CTNND2: variants seen among roughly 807,000 people sequenced by gnomAD.
CTNND2 encodes catenin delta-2.
Under a neutral mutation model 144.4 loss-of-function variants are expected in CTNND2, and 22 were observed. That is an observed-to-expected ratio of 0.15 (90% CI 0.11 to 0.22). The LOEUF (loss-of-function observed/expected upper bound fraction) is 0.22, where lower values mean the gene tolerates loss of function less well. Among genes scored for constraint, CTNND2 ranks in the 10% least tolerant of loss-of-function variants. The pLI, the probability that CTNND2 is intolerant of heterozygous loss-of-function variation, is 1.00. For synonymous variants in CTNND2, 751 were observed against 695.6 expected (o/e 1.08, Z -1.25); for missense variants, 1,353 against 1,618.8 (o/e 0.84, Z 2.82).
chr5:11,779,339 C>T (rs1790420069), intron 1 of CTNND2, among the ~76,000 whole-genome samples: 2 of 152,212 alleles, frequency 1.3e-5, no homozygotes, highest in South Asian at 4.1e-4. Flanking sequence ...GTCTTTCACA[C>T]TTTATCCTCA....
chr5:11,746,275 C>A (rs1295932744), intron 1 of CTNND2, among the ~76,000 whole-genome samples: 1 of 152,158 alleles, frequency 6.6e-6, no homozygotes, highest in African/African-American at 2.4e-5. Context: ...TTTACCATCA[C>A]CAAGACTTTT....
intron 7 of CTNND2, among the ~76,000 whole-genome samples, chr5:11,379,784 G>T (rs1382698002): frequency 6.6e-6 from 1 of 151,956 alleles, no homozygotes; most frequent in Non-Finnish European, 1.5e-5. Flanking sequence ...TCCACACACT[G>T]CCCAGAACAA....
chr5:10,980,992 T>G (rs1275149028), intron 21 of CTNND2, among the ~76,000 whole-genome samples: 1 of 152,042 alleles, frequency 6.6e-6, no homozygotes, highest in Non-Finnish European at 1.5e-5. Flanking sequence ...TGTATACCTA[T>G]GTACCAAAAC....
intron 15 of CTNND2, among the ~76,000 whole-genome samples, chr5:11,086,703 AG>A (rs1750187620): frequency 1.3e-5 from 2 of 152,288 alleles, no homozygotes; most frequent in South Asian, 4.2e-4. Flanking sequence ...TAACCCTTTA[AG>A]GCCAGACTGT....
chr5:11,626,984 G>T (rs541036637), intron 2 of CTNND2, among the ~76,000 whole-genome samples: 1 of 152,056 alleles, frequency 6.6e-6, no homozygotes, highest in South Asian at 2.1e-4. Flanking sequence ...ATCTATTTTC[G>T]CCTGCCAGGT....
chr5:11,738,334 A>G (rs1257039942), intron 1 of CTNND2, among the ~76,000 whole-genome samples: 1 of 152,256 alleles, frequency 6.6e-6, no homozygotes, highest in Non-Finnish European at 1.5e-5. Flanking sequence ...TAACAATAAC[A>G]GCAAAAGCAG....
At chr5:11,080,046 G>A (rs1407461157) in intron 16 of CTNND2, among the ~76,000 whole-genome samples, 1 of 151,854 alleles carries the variant, frequency 6.6e-6, no homozygotes, top group Non-Finnish European at 1.5e-5. Context: ...CTACAGATTG[G>A]GAGAAAATAT....
rs1728318563 is a variant in CTNND2 at position 11,117,530 on chromosome 5, T to A, written c.2197A>T (p.Met733Leu). Reference protein sequence around the residue: ...SSAGEEARRRMRECDGLTDAL... With the variant: ...SSAGEEARRRLRECDGLTDAL... ...TCCGTAAGCCCATCACACTCTCTCA[T>A]CCTTCTGCGGGCCTCCTCTCCGGCC... Residue 733 changes from methionine (M) to leucine (L), a missense_variant, in exon 13 of 22, where the codon ATG becomes TTG. Met to Leu is a conservative substitution (Grantham distance 15, BLOSUM62 2). This residue lies in a region of CTNND2 where 459 missense variants were observed against 674.3 expected (regional missense o/e 0.68). Coordinates refer to ENST00000304623, the MANE Select transcript of CTNND2 (RefSeq NM_001332.4). 6.2e-7 allele frequency: 1 copy of A among 1,614,058 alleles called. No homozygotes were observed. The highest frequency in any genetic ancestry group is 1.1e-5 in the South Asian group (1 of 91,086).
chr5:11,624,081 C>T (rs796232451), intron 2 of CTNND2, among the ~76,000 whole-genome samples: 12 of 151,690 alleles, frequency 7.9e-5, no homozygotes, highest in South Asian at 4.2e-4. Flanking sequence ...TGTCTTTATT[C>T]GCAATGTAGG....
At chr5:11,239,583 A>G (rs1741997301) in intron 9 of CTNND2, among the ~76,000 whole-genome samples, 1 of 152,306 alleles carries the variant, frequency 6.6e-6, no homozygotes, top group East Asian at 1.9e-4. Flanking sequence ...TGATTGTGCT[A>G]CTTTCCTGCT....
chr5:11,875,731 G>A (rs966422648), intron 1 of CTNND2, among the ~76,000 whole-genome samples: 7 of 152,140 alleles, frequency 4.6e-5, no homozygotes, highest in African/African-American at 1.7e-4. Flanking sequence ...GAACTGTGGG[G>A]AATAAATACT....
chr5:11,552,401 C>G (rs1420055339), intron 3 of CTNND2, among the ~76,000 whole-genome samples: 1 of 152,096 alleles, frequency 6.6e-6, no homozygotes, highest in Non-Finnish European at 1.5e-5. Context: ...CAGGAGATTT[C>G]TATATTTAAA....
chr5:11,100,648 C>T lies in CTNND2; in HGVS notation c.2464-1900G>A, dbSNP rs1451093978. On this transcript the variant is annotated intron_variant, in intron 14 of 21. Transcript: ENST00000304623. ...TATCTGCTAGAGTAACAAGAAATGGCAAATTATTTCTTTTATTTCATTTTA... is the reference window on the plus strand; with the variant it reads ...TATCTGCTAGAGTAACAAGAAATGGTAAATTATTTCTTTTATTTCATTTTA... 5.9e-5 allele frequency among the ~76,000 whole-genome samples: 9 copies of T among 152,080 alleles called. 1 individual carries two copies. The highest frequency in any genetic ancestry group is 5.9e-4 in the Admixed American group (9 of 15,256).
chr5:11,199,689 CT>C, intron 10 of CTNND2, 28 bp from the exon 11 acceptor site: 1 of 1,585,268 alleles, frequency 6.3e-7, no homozygotes, highest in Non-Finnish European at 8.7e-7. Context: ...ACCACTTTTG[CT>C]TTACAGTGTA....
At chr5:11,006,659 G>A (rs1333272997) in intron 18 of CTNND2, among the ~76,000 whole-genome samples, 1 of 152,210 alleles carries the variant, frequency 6.6e-6, no homozygotes, top group African/African-American at 2.4e-5. Flanking sequence ...GGAGGCATGA[G>A]GACTGACTGC....
intron 16 of CTNND2, among the ~76,000 whole-genome samples, chr5:11,053,595 G>A (rs1316795307): frequency 2.0e-5 from 3 of 152,220 alleles, no homozygotes; most frequent in African/African-American, 7.2e-5. Flanking sequence ...ACAAGCTCAT[G>A]GAAGATATAT....
intron 3 of CTNND2, among the ~76,000 whole-genome samples, chr5:11,439,759 TC>T (rs1554058813): frequency 6.7e-6 from 1 of 149,516 alleles, no homozygotes; most frequent in African/African-American, 2.5e-5. Flanking sequence ...TATCTATCTA[TC>T]TATCTATCTA....
chr5:11,357,031 T>C (rs941560592), intron 8 of CTNND2, among the ~76,000 whole-genome samples: 29 of 151,876 alleles, frequency 1.9e-4, no homozygotes, highest in African/African-American at 6.3e-4. Flanking sequence ...AAAAGAAAAG[T>C]GTTGGCAAGG....
chr5:11,193,779 A>T (rs2149818232), intron 11 of CTNND2, among the ~76,000 whole-genome samples: 1 of 152,178 alleles, frequency 6.6e-6, no homozygotes, highest in Middle Eastern at 3.4e-3. Flanking sequence ...TAGGCTGGGG[A>T]TGTTAGTGGG....
Sources: allele counts gnomAD v4.1 joint callset (sites outside exome capture counted in the v4.1 genomes callset), GRCh38; gene constraint gnomAD v4.1.1; regional missense constraint gnomAD v4.1.1; transcripts MANE v1.5; gene names NCBI Gene and HGNC (gene_info 2026-07-23, HGNC 2026-07-21).